SGCD: variants seen among roughly 807,000 people sequenced by gnomAD.
The protein encoded by SGCD is delta-sarcoglycan.
In SGCD, 18 loss-of-function variants were observed where a neutral mutation model predicts 36.6. The observed-to-expected ratio is 0.49, with a 90% CI of 0.34 to 0.73. The LOEUF (loss-of-function observed/expected upper bound fraction) is 0.73. Among genes scored for constraint, SGCD ranks in the 30% least tolerant of loss-of-function variants. SGCD has a pLI of 0.01. For missense variants in SGCD, 387 were observed against 346.7 expected (o/e 1.12, Z -0.92); for synonymous variants, 133 against 130.6 (o/e 1.02, Z -0.12).
At chr5:156,159,718 G>A (rs1394274065) in intron 3 of SGCD, among the ~76,000 whole-genome samples, 1 of 151,436 alleles carries the variant, frequency 6.6e-6, no homozygotes, top group Non-Finnish European at 1.5e-5. Context: ...CAATTTCAGA[G>A]GTGATCACTG....
At chr5:156,186,359 C>T (rs889271511) in intron 3 of SGCD, among the ~76,000 whole-genome samples, 31 of 152,196 alleles carry the variant, frequency 2.0e-4, no homozygotes, top group African/African-American at 7.5e-4. Context: ...CTGTTGTTGC[C>T]ATATGGTCTG....
chr5:156,073,398 A>C (rs1026717179), intron 1 of SGCD, among the ~76,000 whole-genome samples: 2 of 151,992 alleles, frequency 1.3e-5, no homozygotes, highest in African/African-American at 2.4e-5. Context: ...CCTCTACAAA[A>C]ATTGGCCAAA....
chr5:156,019,178 A>C (rs899377477), intron 1 of SGCD, among the ~76,000 whole-genome samples: 3 of 152,222 alleles, frequency 2.0e-5, no homozygotes, highest in Admixed American at 6.5e-5. Context: ...TAATACTCAC[A>C]TATTTCACAT....
chr5:156,382,557 T>G (rs1156519135), intron 3 of SGCD, among the ~76,000 whole-genome samples: 1 of 152,160 alleles, frequency 6.6e-6, no homozygotes. Flanking sequence ...AACTTAAAAA[T>G]TATGGTTTTC....
At chr5:156,281,612 A>T (rs1766455393) in intron 3 of SGCD, among the ~76,000 whole-genome samples, 1 of 152,210 alleles carries the variant, frequency 6.6e-6, no homozygotes, top group Admixed American at 6.5e-5. Flanking sequence ...TCCTGCCAAG[A>T]AAAACTTTCA....
chr5:156,317,469 A>C (rs1315521452), intron 3 of SGCD, among the ~76,000 whole-genome samples: 1 of 152,164 alleles, frequency 6.6e-6, no homozygotes, highest in Non-Finnish European at 1.5e-5. Flanking sequence ...AATCACAAAC[A>C]TGATCGCAAT....
At chr5:156,136,299 G>A (rs1255347325) in intron 3 of SGCD, among the ~76,000 whole-genome samples, 3 of 152,132 alleles carry the variant, frequency 2.0e-5, no homozygotes, top group Non-Finnish European at 4.4e-5. Context: ...TTTTTGTAGA[G>A]GCAGGGACTT....
intron 3 of SGCD, among the ~76,000 whole-genome samples, chr5:156,508,160 T>C: frequency 6.6e-6 from 1 of 152,220 alleles, no homozygotes; most frequent in Non-Finnish European, 1.5e-5. Flanking sequence ...TTTACATGTT[T>C]TGTGACTCAA....
chr5:156,511,611 C>T (rs781105476), intron 4 of SGCD, among the ~76,000 whole-genome samples: 2 of 152,156 alleles, frequency 1.3e-5, no homozygotes, highest in Non-Finnish European at 2.9e-5. Context: ...TCAGATGTCA[C>T]CTGTTTAGAA....
chr5:155,859,142 G>T, the SGCD span, among the ~76,000 whole-genome samples: 1 of 151,844 alleles, frequency 6.6e-6, no homozygotes, highest in Admixed American at 6.6e-5. Context: ...GCTCACTGCA[G>T]CCGTAACCCC....
At chr5:156,591,296 A>C (rs181996495) in intron 5 of SGCD, among the ~76,000 whole-genome samples, 256 of 152,314 alleles carry the variant, frequency 1.7e-3, no homozygotes, top group African/African-American at 6.1e-3. Flanking sequence ...GAATGTCTCA[A>C]AAACCCATTA....
the SGCD span, among the ~76,000 whole-genome samples, chr5:155,753,335 A>G: frequency 2.0e-5 from 1 of 50,492 alleles, no homozygotes; most frequent in Non-Finnish European, 5.7e-5. Context: ...GACTTTGTCT[A>G]AAAAAAAAAG....
At chr5:156,148,869 T>C (rs899648829) in intron 3 of SGCD, among the ~76,000 whole-genome samples, 1 of 152,158 alleles carries the variant, frequency 6.6e-6, no homozygotes, top group Non-Finnish European at 1.5e-5. Flanking sequence ...CCGTGGAAAG[T>C]TTCTTAATCT....
intron 3 of SGCD, among the ~76,000 whole-genome samples, chr5:156,138,705 A>G (rs888128921): frequency 2.2e-4 from 33 of 152,236 alleles, no homozygotes; most frequent in Non-Finnish European, 7.3e-5. Flanking sequence ...CTTTTGAGTG[A>G]ATATCAATGA....
chr5:156,730,427 T>C (rs1755999671), intron 7 of SGCD, among the ~76,000 whole-genome samples: 1 of 152,206 alleles, frequency 6.6e-6, no homozygotes, highest in African/African-American at 2.4e-5. Context: ...TATGTATCCA[T>C]GTGTTCTCAT....
intron 1 of SGCD, among the ~76,000 whole-genome samples, chr5:155,978,449 C>T (rs1255061089): frequency 6.6e-6 from 1 of 152,186 alleles, no homozygotes; most frequent in Non-Finnish European, 1.5e-5. Context: ...AAACACAGGC[C>T]ATAGTGAAAG....
chr5:156,083,525 C>T (rs1203990300), intron 1 of SGCD, among the ~76,000 whole-genome samples: 3 of 151,014 alleles, frequency 2.0e-5, no homozygotes, highest in East Asian at 1.9e-4. Flanking sequence ...GAACTCCTGA[C>T]CTCAGGTGAT....
intron 1 of SGCD, among the ~76,000 whole-genome samples, chr5:155,959,385 G>A (rs946931303): frequency 2.6e-5 from 4 of 152,092 alleles, no homozygotes; most frequent in Admixed American, 6.5e-5. Context: ...GAATTCAGCT[G>A]GAGAACTTGC....
At chr5:156,089,965 C>A (rs1761200644) in intron 1 of SGCD, among the ~76,000 whole-genome samples, 1 of 152,076 alleles carries the variant, frequency 6.6e-6, no homozygotes. Context: ...GACCCTGGGG[C>A]ACTTTTCATC....
Sources: gnomAD v4.1 joint callset for allele counts (sites outside exome capture counted in the v4.1 genomes callset) on GRCh38, gnomAD v4.1.1 for gene constraint, MANE v1.5 for transcripts, NCBI Gene and HGNC (gene_info 2026-07-23, HGNC 2026-07-21) for gene names.